The following CDIPT variants were observed in gnomAD, a reference collection of about 807,000 sequenced individuals.
CDIPT encodes CDP-diacylglycerol--inositol 3-phosphatidyltransferase.
In CDIPT, 17 loss-of-function variants were observed where a neutral mutation model predicts 21.6. That is an observed-to-expected ratio of 0.79 (90% CI 0.54 to 1.18). CDIPT has a LOEUF of 1.18. CDIPT is among the 50% of genes most tolerant of loss of function. CDIPT has a pLI of 0.00. For missense variants in CDIPT, 254 were observed against 284.9 expected (o/e 0.89, Z 0.78); for synonymous variants, 119 against 117.9 (o/e 1.01, Z -0.06).
At chr16:29,860,708 C>T (rs1262202790) in intron 3 of CDIPT, 46 bp from the exon 4 acceptor site, 11 of 1,084,374 alleles carry the variant, frequency 1.0e-5, no homozygotes, top group Non-Finnish European at 1.6e-5. Flanking sequence ...TGACCACTAC[C>T]ATGCATCCAA....
Position 29,862,506 on chromosome 16 carries a change from A to T in CDIPT, c.178+80T>A, listed in dbSNP as rs2067691351. The T allele has an allele frequency of 7.1e-7, 1 of 1,405,424 alleles. No individual in the cohort carries two copies. The highest frequency in any genetic ancestry group is 9.8e-7 in the Non-Finnish European group (1 of 1,020,652). 87.1% of individuals were successfully genotyped at this position (1,405,424 alleles called of 1,614,324 possible). A position where few individuals can be genotyped will look rare whatever the true frequency, so the allele number is the denominator to read the frequency against. ...CAGAGATGGGAATGACAGCCCTCTG[A>T]CTCTGAGGTCCCGAGGAGGCAGGGG... On this transcript the variant is annotated intron_variant, in intron 2 of 5. Transcript: ENST00000219789. The surrounding 1 kb of genome is among the most constrained non-coding windows in gnomAD (Gnocchi z 6.7).
chr16:29,859,395 A>AG lies in CDIPT; in HGVS notation c.496+46dup. Reference sequence around the variant, plus strand: ...GGAGGGGGCCTCCATCTCCCTGGGCAGGCCAGATCCCCCTCCCATCCTCCT... The same window carrying AG: ...GGAGGGGGCCTCCATCTCCCTGGGCAGGGCCAGATCCCCCTCCCATCCTCCT... On this transcript the variant is annotated intron_variant, in intron 5 of 5. Transcript: ENST00000219789. The surrounding 1 kb of genome is among the most constrained non-coding windows in gnomAD (Gnocchi z 4.5). 2.5e-6 allele frequency: 4 copies of AG among 1,596,300 alleles called. No homozygotes were observed. The highest frequency in any genetic ancestry group is 3.4e-6 in the Non-Finnish European group (4 of 1,169,922).
Position 29,859,097 on chromosome 16 carries a change from T to C in CDIPT, c.*92A>G. 1.5e-6 allele frequency: 2 copies of C among 1,378,108 alleles called. No homozygotes were observed. The highest frequency in any genetic ancestry group is 2.0e-6 in the Non-Finnish European group (2 of 1,011,006). The allele number at this position is 1,378,108 out of a possible 1,614,324, so 85.4% of individuals were successfully genotyped here. Reference sequence around the variant, plus strand: ...GGTAGAACAACACATGAGGAAGGCGTGAGACTGGGACCTCCTAGCAGGGGG... The same window carrying C: ...GGTAGAACAACACATGAGGAAGGCGCGAGACTGGGACCTCCTAGCAGGGGG... On this transcript the variant is annotated 3_prime_UTR_variant, in exon 6 of 6. Coordinates refer to ENST00000219789, the MANE Select transcript of CDIPT (RefSeq NM_006319.5). This position sits in a 1 kb window ranked among gnomAD's most constrained non-coding sequence, Gnocchi z 4.5.
At position 29,863,120 on chromosome 16, in the gene CDIPT, C is replaced by A; in HGVS notation, c.-263G>T. Reference sequence around the variant, plus strand: ...CTCGCCTCTGCCAGCCCCGCAGGCGCTCCGGGCCTCCAGCTGCGGTCGCCG... The same window carrying A: ...CTCGCCTCTGCCAGCCCCGCAGGCGATCCGGGCCTCCAGCTGCGGTCGCCG... On this transcript the variant is annotated 5_prime_UTR_variant, in exon 1 of 6. Transcript: ENST00000219789. The A allele has an allele frequency of 2.0e-6, 1 of 489,964 alleles. No homozygotes were observed. Among genetic ancestry groups the A allele is most frequent in the Non-Finnish European group, 3.6e-6 (1 of 277,556 alleles). 30.4% of individuals were successfully genotyped at this position (489,964 alleles called of 1,614,324 possible).
Position 29,859,221 on chromosome 16 carries a change from G to A in CDIPT, c.610C>T (p.Leu204=), listed in dbSNP as rs1338476381. 2 of 1,597,770 alleles carry A rather than the reference G, an allele frequency of 1.3e-6. No homozygotes were observed. The highest frequency in any genetic ancestry group is 4.5e-5 in the East Asian group (2 of 44,328). ...TTCTTGGCGCGGTCTGCTGCGTCCA[G>A]GGCAGCCATGTTGCGGGCGGCCGTG... The part of the protein sequence containing the change: ...LITAARNMAA[L]DAADRAKKK Residue 204 remains leucine, a synonymous_variant, in exon 6 of 6, where the codon CTG becomes TTG. Transcript: ENST00000219789. The surrounding 1 kb of genome is among the most constrained non-coding windows in gnomAD (Gnocchi z 4.5).
At position 29,862,606 on chromosome 16, in the gene CDIPT, G is replaced by T; in HGVS notation, c.158C>A (p.Ala53Asp). ...SGLLDAFDGHAARALNQGTRF... is the reference protein window; with the variant it reads ...SGLLDAFDGHDARALNQGTRF... ...GTCACCTTGATTAAGAGCGCGAGCAGCGTGTCCATCGAAAGCGTCCAGCAG... is the reference window on the plus strand; with the variant it reads ...GTCACCTTGATTAAGAGCGCGAGCATCGTGTCCATCGAAAGCGTCCAGCAG... The change falls in exon 2 of 6, where the codon GCT (alanine) becomes GAT (aspartate). Residue 53 changes from alanine to aspartate, a missense_variant. Coordinates refer to ENST00000219789, the MANE Select transcript of CDIPT (RefSeq NM_006319.5). The surrounding 1 kb of genome is among the most constrained non-coding windows in gnomAD (Gnocchi z 6.7). 1.9e-6 allele frequency: 3 copies of T among 1,589,518 alleles called. No individual in the cohort carries two copies. Among genetic ancestry groups the T allele is most frequent in the Non-Finnish European group, 2.6e-6 (3 of 1,167,936 alleles).
chr16:29,860,842 T>A, intron 3 of CDIPT, 180 bp from the exon 4 acceptor site: 1 of 624,640 alleles, frequency 1.6e-6, no homozygotes, highest in Admixed American at 2.6e-5. Context: ...ATTTGAAAGC[T>A]CCCATGCCCC....
rs549545103 is a variant in CDIPT, at chr16:29,862,049, G to C, written c.178+537C>G. 6.6e-6 allele frequency among the ~76,000 whole-genome samples: 1 copy of C among 152,236 alleles called. No individual in the cohort carries two copies. The highest frequency in any genetic ancestry group is 2.1e-4 in the South Asian group (1 of 4,816). On this transcript the variant is annotated intron_variant, in intron 2 of 5. Transcript: ENST00000219789. The surrounding 1 kb of genome is among the most constrained non-coding windows in gnomAD (Gnocchi z 6.7). ...CCTGGCCTGAATGGACTTGTATTCA[G>C]AGAGACCTCCAGCAGCGCCACCGCC...
chr16:29,862,606 G>A lies in CDIPT; in HGVS notation c.158C>T (p.Ala53Val). The change falls in exon 2 of 6, where the codon GCT (alanine) becomes GTT (valine). Residue 53 changes from alanine to valine, a missense_variant. Coordinates refer to ENST00000219789, the MANE Select transcript of CDIPT (RefSeq NM_006319.5). This position sits in a 1 kb window ranked among gnomAD's most constrained non-coding sequence, Gnocchi z 6.7. Reference protein sequence around the residue: ...SGLLDAFDGHAARALNQGTRF... With the variant: ...SGLLDAFDGHVARALNQGTRF... Reference sequence around the variant, plus strand: ...GTCACCTTGATTAAGAGCGCGAGCAGCGTGTCCATCGAAAGCGTCCAGCAG... The same window carrying A: ...GTCACCTTGATTAAGAGCGCGAGCAACGTGTCCATCGAAAGCGTCCAGCAG... The A allele has an allele frequency of 3.1e-6, 5 of 1,589,518 alleles. No individual in the cohort carries two copies. Among genetic ancestry groups the A allele is most frequent in the Non-Finnish European group, 4.3e-6 (5 of 1,167,936 alleles).
rs1321242728 is a variant in CDIPT at position 29,859,181 on chromosome 16, C to A, written c.*8G>T. ...GCAGGTGGGCAGCCAGGACCCGGGG[C>A]TCCAGCGTCACTTCTTCTTGGCGCG... On this transcript the variant is annotated 3_prime_UTR_variant, in exon 6 of 6. Coordinates refer to ENST00000219789, the MANE Select transcript of CDIPT (RefSeq NM_006319.5). This position sits in a 1 kb window ranked among gnomAD's most constrained non-coding sequence, Gnocchi z 4.5. The A allele has an allele frequency of 2.5e-6, 4 of 1,591,042 alleles. No individual in the cohort carries two copies. In the South Asian group the frequency reaches 4.6e-5, roughly 18 times the overall value.
rs746361355 is a variant in CDIPT at position 29,862,598 on chromosome 16, C to G, written c.166G>C (p.Ala56Pro). The change falls in exon 2 of 6, where the codon GCT (alanine) becomes CCT (proline). Residue 56 changes from alanine to proline, a missense_variant. Ala to Pro is a conservative substitution (Grantham distance 27). Transcript: ENST00000219789. The surrounding 1 kb of genome is among the most constrained non-coding windows in gnomAD (Gnocchi z 6.7). ...GGGTGTCTGTCACCTTGATTAAGAGCGCGAGCAGCGTGTCCATCGAAAGCG... is the reference window on the plus strand; with the variant it reads ...GGGTGTCTGTCACCTTGATTAAGAGGGCGAGCAGCGTGTCCATCGAAAGCG... ...LDAFDGHAAR[A>P]LNQGTRFGAM... 6.3e-7 allele frequency: 1 copy of G among 1,579,086 alleles called. No individual in the cohort carries two copies. The highest frequency in any genetic ancestry group is 1.3e-5 in the African/African-American group (1 of 74,158).
At position 29,859,715 on chromosome 16, in the gene CDIPT, TCCTGGTCTCAGCCAGGCGTGTGGCTCATG is replaced by T. The variant is rs2067664430; in HGVS notation, c.415-221_415-193del. 6.6e-6 allele frequency among the ~76,000 whole-genome samples: 1 copy of T among 151,966 alleles called. No individual in the cohort carries two copies. The highest frequency in any genetic ancestry group is 2.1e-4 in the South Asian group (1 of 4,834). On this transcript the variant is annotated intron_variant, in intron 4 of 5. Coordinates refer to ENST00000219789, the MANE Select transcript of CDIPT (RefSeq NM_006319.5). The surrounding 1 kb of genome is among the most constrained non-coding windows in gnomAD (Gnocchi z 4.5). ...GATCATAGCACTGCAGCCTCAAAACTCCTGGTCTCAGCCAGGCGTGTGGCTCATGCCTGGAGTCCCAGCACTTTGGGAGG... is the reference window on the plus strand; with the variant it reads ...GATCATAGCACTGCAGCCTCAAAACTCCTGGAGTCCCAGCACTTTGGGAGG...
chr16:29,862,777 G>T lies in CDIPT; in HGVS notation c.43+38C>A. On this transcript the variant is annotated intron_variant, in intron 1 of 5. Coordinates refer to ENST00000219789, the MANE Select transcript of CDIPT (RefSeq NM_006319.5). This position sits in a 1 kb window ranked among gnomAD's most constrained non-coding sequence, Gnocchi z 6.7. ...ATCAGGGAGCCCGCCAAGGCCCCTC[G>T]CCCTCTCGTTCGGCCCGGGGCCGTG... 6.2e-7 allele frequency: 1 copy of T among 1,613,744 alleles called. No individual in the cohort carries two copies. Among genetic ancestry groups the T allele is most frequent in the Non-Finnish European group, 8.5e-7 (1 of 1,179,810 alleles).
Position 29,859,243 on chromosome 16 carries a change from C to A in CDIPT, c.588G>T (p.Thr196=). The change falls in exon 6 of 6, where the codon ACG becomes ACT. Residue 196 remains threonine (T), a synonymous_variant. Coordinates refer to ENST00000219789, the MANE Select transcript of CDIPT (RefSeq NM_006319.5). The surrounding 1 kb of genome is among the most constrained non-coding windows in gnomAD (Gnocchi z 4.5). The part of the protein sequence containing the change: ...KSLISVIHLI[T]AARNMAALDA... ...CCAGGGCAGCCATGTTGCGGGCGGC[C>A]GTGATCAGGTGGATGACGCTGATGA... 1.9e-6 allele frequency: 3 copies of A among 1,595,302 alleles called. No homozygotes were observed. Among genetic ancestry groups the A allele is most frequent in the African/African-American group, 2.7e-5 (2 of 74,846 alleles).
intron 2 of CDIPT, 56 bp from the exon 3 acceptor site, chr16:29,861,315 C>T (rs1567402548): frequency 6.2e-7 from 1 of 1,606,406 alleles, no homozygotes; most frequent in Admixed American, 1.7e-5. Flanking sequence ...GGACAGGTGC[C>T]CATATTTGGT....
At position 29,858,497 on chromosome 16, in the gene CDIPT, T is replaced by A. The variant is rs2067649737; in HGVS notation, c.*692A>T. On this transcript the variant is annotated 3_prime_UTR_variant, in exon 6 of 6. Coordinates refer to ENST00000219789, the MANE Select transcript of CDIPT (RefSeq NM_006319.5). The stretch of plus-strand genomic sequence containing the variant: ...TAGTGAGGGTAGAAAATATCAAGAA[T>A]ATAAATACATGTAGACAGTCAGTGA... 1 of 152,122 alleles carries A rather than the reference T, an allele frequency of 6.6e-6. No homozygotes were observed. Among genetic ancestry groups the A allele is most frequent in the South Asian group, 2.1e-4 (1 of 4,824 alleles). 9.4% of individuals were successfully genotyped at this position (152,122 alleles called of 1,614,324 possible). A position where few individuals can be genotyped will look rare whatever the true frequency, so the allele number is the denominator to read the frequency against.
Position 29,861,007 on chromosome 16 carries a change from C to T in CDIPT, c.332+99G>A, listed in dbSNP as rs541679214. The T allele has an allele frequency of 4.9e-5, 60 of 1,222,940 alleles. No individual in the cohort carries two copies. The African/African-American group carries it at 5.1e-4, about 10-fold the overall frequency. The allele number at this position is 1,222,940 out of a possible 1,614,324, so 75.8% of individuals were successfully genotyped here. On this transcript the variant is annotated intron_variant, in intron 3 of 5. Transcript: ENST00000219789. Reference sequence around the variant, plus strand: ...AAGCAGAGCTAAAAAGGAGCCCTTCCAGGATGCCTAGTGCCATCCCAGACA... The same window carrying T: ...AAGCAGAGCTAAAAAGGAGCCCTTCTAGGATGCCTAGTGCCATCCCAGACA...
At chr16:29,860,008 AAAATAAAT>A (rs887249236) in intron 4 of CDIPT, among the ~76,000 whole-genome samples, 3 of 152,060 alleles carry the variant, frequency 2.0e-5, no homozygotes, top group African/African-American at 7.2e-5. Flanking sequence ...CTGTCTCAAA[AAAATAAAT>A]AAATAAATAA....
Position 29,861,099 on chromosome 16 carries a change from A to G in CDIPT, c.332+7T>C, listed in dbSNP as rs767284053. Reference sequence around the variant, plus strand: ...AAGTGGCCCAGGCCCCCAGAATCGCAGCAGACCTGTGGAGGTGCAGCCAGT... The same window carrying G: ...AAGTGGCCCAGGCCCCCAGAATCGCGGCAGACCTGTGGAGGTGCAGCCAGT... On this transcript the variant is annotated splice_region_variant and intron_variant, in intron 3 of 5. Transcript: ENST00000219789. The G allele has an allele frequency of 6.2e-7, 1 of 1,614,022 alleles. No homozygotes were observed. The highest frequency in any genetic ancestry group is 1.7e-5 in the Admixed American group (1 of 60,014).
Sources: allele counts gnomAD v4.1 joint callset (sites outside exome capture counted in the v4.1 genomes callset), GRCh38; gene constraint gnomAD v4.1.1; non-coding constraint Gnocchi (gnomAD v3.1); transcripts MANE v1.5; gene names NCBI Gene and HGNC (gene_info 2026-07-23, HGNC 2026-07-21).